Variants in HS6ST1 observed in about 807,000 individuals in gnomAD.
HS6ST1 encodes heparan sulfate 6-O-sulfotransferase 1.
A neutral mutation model predicts 25.2 loss-of-function variants in HS6ST1; 3 were observed. The observed-to-expected ratio is 0.12, with a 90% confidence interval of 0.05 to 0.31. The LOEUF (loss-of-function observed/expected upper bound fraction) is 0.31, where lower values mean the gene tolerates loss of function less well. Ranked by LOEUF, HS6ST1 falls within the 10% of genes least tolerant of loss-of-function variation. HS6ST1 has a pLI of 1.00. For synonymous variants in HS6ST1, 204 were observed against 275.1 expected (o/e 0.74, Z 2.56); for missense variants, 310 against 609.6 (o/e 0.51, Z 5.18).
intron 1 of HS6ST1, among the ~76,000 whole-genome samples, chr2:128,271,384 G>A (rs1346259634): frequency 6.6e-6 from 1 of 152,238 alleles, no homozygotes; most frequent in African/African-American, 2.4e-5. Context: ...CAGAAGTGGT[G>A]TGAGGCCCCT....
At position 128,318,665 on chromosome 2, in the gene HS6ST1, G is replaced by A. The variant is rs1009988248; in HGVS notation, c.-102C>T. 8.5e-4 allele frequency: 182 copies of A among 213,722 alleles called. No homozygotes were observed. Among genetic ancestry groups the A allele is most frequent in the African/African-American group, 3.5e-3 (143 of 41,432 alleles). The allele number at this position is 213,722 out of a possible 1,614,324, so 13.2% of individuals were successfully genotyped here. ...CGCCGCCCGCGCTCCGGCCCGGCCC[G>A]GCTACTCGGCGCCCAGGCCGCCCGC... is the stretch of plus-strand genomic sequence containing the variant. On this transcript the variant is annotated 5_prime_UTR_variant, in exon 1 of 2. Transcript: ENST00000259241. The surrounding 1 kb of genome is among the most constrained non-coding windows in gnomAD (Gnocchi z 5.7).
chr2:128,309,424 GT>G (rs1206465493), intron 1 of HS6ST1, among the ~76,000 whole-genome samples: 1 of 152,254 alleles, frequency 6.6e-6, no homozygotes, highest in Non-Finnish European at 1.5e-5. Context: ...GGGCTGACCA[GT>G]GGAGAGCCCC....
intron 1 of HS6ST1, among the ~76,000 whole-genome samples, chr2:128,311,569 T>C (rs114354958): frequency 1.3e-5 from 2 of 152,292 alleles, no homozygotes; most frequent in Non-Finnish European, 2.9e-5. Flanking sequence ...TCCGTGATGC[T>C]TGAGGTCTGA....
chr2:128,282,169 C>G (rs1034315052), intron 1 of HS6ST1, among the ~76,000 whole-genome samples: 1 of 152,210 alleles, frequency 6.6e-6, no homozygotes, highest in African/African-American at 2.4e-5. Flanking sequence ...TGACTAGGAA[C>G]AAAAATCACA....
rs374251074 is a variant in HS6ST1 at position 128,268,311 on chromosome 2, G to A, written c.1087C>T (p.Arg363Trp). ...CGCTGCTCCCTGCGCTCCAGCTGCC[G>A]CTTGTACTGGTAGCGCTGCTGGAAG... ...DLFQQRYQYKRQLERREQRLR... is the reference protein window; with the variant it reads ...DLFQQRYQYKWQLERREQRLR... The change falls in exon 2 of 2, where the codon CGG becomes TGG. Residue 363 changes from arginine (R) to tryptophan (W), a missense_variant. Coordinates refer to ENST00000259241, the MANE Select transcript of HS6ST1 (RefSeq NM_004807.3). The A allele has an allele frequency of 3.7e-6, 6 of 1,613,196 alleles. No homozygotes were observed. Among genetic ancestry groups the A allele is most frequent in the Admixed American group, 1.7e-5 (1 of 59,998 alleles).
chr2:128,296,462 C>T (rs1462519653), intron 1 of HS6ST1, among the ~76,000 whole-genome samples: 1 of 152,168 alleles, frequency 6.6e-6, no homozygotes, highest in African/African-American at 2.4e-5. Context: ...GTAGATAATG[C>T]TAAAGAATCC....
At chr2:128,269,426 C>G (rs1558866892) in intron 1 of HS6ST1, among the ~76,000 whole-genome samples, 1 of 152,172 alleles carries the variant, frequency 6.6e-6, no homozygotes, top group Non-Finnish European at 1.5e-5. Context: ...GCTGGGTTGT[C>G]CCCCAAGACA....
At chr2:128,295,480 T>C (rs1694028269) in intron 1 of HS6ST1, among the ~76,000 whole-genome samples, 1 of 152,184 alleles carries the variant, frequency 6.6e-6, no homozygotes, top group Admixed American at 6.5e-5. Flanking sequence ...TTCCCAAACT[T>C]TTCCAAAAAT....
chr2:128,284,117 C>T (rs900417428), intron 1 of HS6ST1, among the ~76,000 whole-genome samples: 4 of 152,126 alleles, frequency 2.6e-5, no homozygotes, highest in African/African-American at 4.8e-5. Flanking sequence ...GCCCTGTTCC[C>T]GGGGGCTTTC....
chr2:128,275,918 C>T (rs1025885272), intron 1 of HS6ST1, among the ~76,000 whole-genome samples: 1 of 152,160 alleles, frequency 6.6e-6, no homozygotes, highest in African/African-American at 2.4e-5. Flanking sequence ...GTGCCAAATG[C>T]CCACCACGGT....
intron 1 of HS6ST1, among the ~76,000 whole-genome samples, chr2:128,297,001 G>A (rs1694047713): frequency 6.6e-6 from 1 of 152,214 alleles, no homozygotes; most frequent in Admixed American, 6.5e-5. Flanking sequence ...GGTTAAGGCT[G>A]CAGTGAGCCA....
intron 1 of HS6ST1, among the ~76,000 whole-genome samples, chr2:128,282,006 G>A (rs1693797086): frequency 1.3e-5 from 2 of 152,228 alleles, no homozygotes; most frequent in African/African-American, 4.8e-5. Context: ...ACTGACTGAA[G>A]AGAACTATTC....
intron 1 of HS6ST1, among the ~76,000 whole-genome samples, chr2:128,313,531 C>T (rs1349041604): frequency 6.6e-6 from 1 of 152,116 alleles, no homozygotes; most frequent in Non-Finnish European, 1.5e-5. Context: ...ACTCATCTAC[C>T]AAACAATCAT....
At chr2:128,275,581 A>C (rs1693681255) in intron 1 of HS6ST1, among the ~76,000 whole-genome samples, 1 of 152,204 alleles carries the variant, frequency 6.6e-6, no homozygotes, top group South Asian at 2.1e-4. Context: ...AGTAAAAGAA[A>C]ACGAGGAAAC....
intron 1 of HS6ST1, among the ~76,000 whole-genome samples, chr2:128,310,832 AC>A (rs923306807): frequency 3.5e-4 from 53 of 152,262 alleles, no homozygotes; most frequent in African/African-American, 1.3e-3. Flanking sequence ...CAGGAAAGGA[AC>A]AAAGAGATTA....
intron 1 of HS6ST1, among the ~76,000 whole-genome samples, chr2:128,276,471 A>G (rs1397375558): frequency 1.3e-5 from 2 of 152,002 alleles, no homozygotes; most frequent in East Asian, 3.9e-4. Flanking sequence ...GAAACAGGAA[A>G]ATTCAAGTCA....
In HS6ST1 at chr2:128,266,312, C is replaced by A. The variant is rs1448856372; in HGVS notation, c.*1850G>T. 6.6e-6 allele frequency: 1 copy of A among 152,376 alleles called. No homozygotes were observed. Among genetic ancestry groups the A allele is most frequent in the Admixed American group, 6.5e-5 (1 of 15,288 alleles). 9.4% of individuals were successfully genotyped at this position (152,376 alleles called of 1,614,324 possible). On this transcript the variant is annotated 3_prime_UTR_variant, in exon 2 of 2. Transcript: ENST00000259241. ...GAGTGTCCGAGCAGATTCCCATTGA[C>A]CCTGACCTCCCTTTGAAAGAACCAC...
chr2:128,289,242 TG>T (rs56312457), intron 1 of HS6ST1, among the ~76,000 whole-genome samples: 21,599 of 152,122 alleles, frequency 0.14, 1,965 homozygotes, highest in African/African-American at 0.25. Context: ...AGCTGTCACC[TG>T]AGCAGTGACC....
chr2:128,278,536 A>C (rs890414541), intron 1 of HS6ST1, among the ~76,000 whole-genome samples: 12 of 152,144 alleles, frequency 7.9e-5, no homozygotes, highest in African/African-American at 2.9e-4. Flanking sequence ...CTGGAGTGTG[A>C]GCTGTCACAG....
Sources: gnomAD v4.1 joint callset for allele counts (sites outside exome capture counted in the v4.1 genomes callset) on GRCh38, gnomAD v4.1.1 for gene constraint, Gnocchi (gnomAD v3.1) non-coding constraint, MANE v1.5 for transcripts, NCBI Gene and HGNC (gene_info 2026-07-23, HGNC 2026-07-21) for gene names.